PDE11A: variants seen among roughly 807,000 people sequenced by gnomAD.
The protein encoded by PDE11A is phosphodiesterase 11A, also known as dual 3',5'-cyclic-AMP and -GMP phosphodiesterase 11A.
In PDE11A, 100 loss-of-function variants were observed where a neutral mutation model predicts 100.5. The ratio of observed to expected loss-of-function variants is 1.00; its 90% CI spans 0.85 to 1.18. The LOEUF (loss-of-function observed/expected upper bound fraction) is 1.18, where lower values mean the gene tolerates loss of function less well. Among genes scored for constraint, PDE11A ranks in the 50% most tolerant of loss-of-function variants. The pLI, the probability that PDE11A is intolerant of heterozygous loss-of-function variation, is 0.00. For missense variants in PDE11A, 1,141 were observed against 1,152.6 expected, an observed-to-expected ratio of 0.99 and a Z score of 0.15; for synonymous variants, 381 against 420.8, an observed-to-expected ratio of 0.91 and a Z score of 1.16.
upstream of PDE11A, among the ~76,000 whole-genome samples, chr2:178,073,769 T>C (rs571611902): frequency 6.6e-6 from 1 of 152,324 alleles, no homozygotes; most frequent in South Asian, 2.1e-4. Flanking sequence ...TAGTGATATG[T>C]TGAAACTGGC....
rs2080642285 is a variant in PDE11A, at chr2:177,669,483, A to G, written c.2562+10T>C. Reference sequence around the variant, plus strand: ...AGGGTAAATACGTTATAATTAAAGGATGAACTCACTGAAGGAGTGAGTTTG... The same window carrying G: ...AGGGTAAATACGTTATAATTAAAGGGTGAACTCACTGAAGGAGTGAGTTTG... On this transcript the variant is annotated intron_variant, in intron 18 of 19. Coordinates refer to ENST00000286063, the MANE Select transcript of PDE11A (RefSeq NM_016953.4). 9.5e-7 allele frequency: 1 copy of G among 1,057,528 alleles called. No homozygotes were observed. The highest frequency in any genetic ancestry group is 1.5e-6 in the Non-Finnish European group (1 of 671,964). 65.5% of individuals were successfully genotyped at this position (1,057,528 alleles called of 1,614,324 possible).
intron 1 of PDE11A, among the ~76,000 whole-genome samples, chr2:178,051,473 A>C (rs1196037675): frequency 6.6e-6 from 1 of 152,212 alleles, no homozygotes; most frequent in Non-Finnish European, 1.5e-5. Context: ...ACCAGCTAAC[A>C]TCATAATGAC....
intron 16 of PDE11A, among the ~76,000 whole-genome samples, chr2:177,678,250 C>A (rs1399228841): frequency 6.6e-6 from 1 of 152,136 alleles, no homozygotes; most frequent in Non-Finnish European, 1.5e-5. Context: ...AGGTTAGAAA[C>A]ACAAACGACA....
intron 4 of PDE11A, among the ~76,000 whole-genome samples, chr2:177,891,696 C>T (rs2084531823): frequency 6.6e-6 from 1 of 152,174 alleles, no homozygotes; most frequent in African/African-American, 2.4e-5. Flanking sequence ...AAACCCTTGT[C>T]TGCTAGTCAA....
intron 19 of PDE11A, among the ~76,000 whole-genome samples, chr2:177,661,563 T>C (rs888099373): frequency 5.3e-5 from 8 of 152,132 alleles, no homozygotes; most frequent in Admixed American, 2.0e-4. Flanking sequence ...TAAAATAAAA[T>C]AGGACCCTCA....
chr2:177,850,668 A>T lies in PDE11A; in HGVS notation c.1368-10285T>A, dbSNP rs530401348. On this transcript the variant is annotated intron_variant, in intron 5 of 19. Coordinates refer to ENST00000286063, the MANE Select transcript of PDE11A (RefSeq NM_016953.4). ...AAGGGCTAATATCCAGAATCTACAA[A>T]GAACTCAAACAAATTTACAAGAAAA... Among the ~76,000 whole-genome samples, 1,243 of 152,216 alleles carry T rather than the reference A, an allele frequency of 8.2e-3. 10 individuals carry two copies. Among genetic ancestry groups the T allele is most frequent in the African/African-American group, 0.025 (1,032 of 41,534 alleles).
At chr2:177,853,714 TTG>T (rs71010826) in intron 5 of PDE11A, among the ~76,000 whole-genome samples, 2 of 16,302 alleles carry the variant, frequency 1.2e-4, no homozygotes, top group East Asian at 2.9e-3. Context: ...GTGTGTGTGT[TTG>T]TGTGTGTGTG....
At chr2:177,914,123 T>C (rs949777885) in intron 2 of PDE11A, among the ~76,000 whole-genome samples, 3 of 152,206 alleles carry the variant, frequency 2.0e-5, no homozygotes, top group African/African-American at 7.2e-5. Context: ...GATTAATAGA[T>C]TGAACACTTT....
chr2:177,939,542 A>C (rs2085321876), intron 2 of PDE11A, among the ~76,000 whole-genome samples: 1 of 128,930 alleles, frequency 7.8e-6, no homozygotes. Context: ...GAAGGAAGGA[A>C]GGAAGGAAGG....
intron 1 of PDE11A, among the ~76,000 whole-genome samples, chr2:178,026,676 A>C (rs2086483038): frequency 6.6e-6 from 1 of 152,040 alleles, no homozygotes; most frequent in African/African-American, 2.4e-5. Context: ...AAAAAAAAGA[A>C]AAGAAAAAAG....
At chr2:177,629,887 A>G (rs1034717042) in intron 19 of PDE11A, among the ~76,000 whole-genome samples, 14 of 152,214 alleles carry the variant, frequency 9.2e-5, no homozygotes, top group African/African-American at 3.4e-4. Context: ...TCCAGCTCAC[A>G]TATGCCTACT....
chr2:177,771,605 T>G (rs13421315), intron 9 of PDE11A, among the ~76,000 whole-genome samples: 4 of 151,966 alleles, frequency 2.6e-5, no homozygotes, highest in African/African-American at 4.8e-5. Flanking sequence ...TAACAAGGAG[T>G]CTACTTTTAA....
chr2:177,844,529 T>A lies in PDE11A; in HGVS notation c.1368-4146A>T, dbSNP rs189054522. Among the ~76,000 whole-genome samples, 424 of 149,338 alleles carry A rather than the reference T, an allele frequency of 2.8e-3. 1 individual carries two copies. Among genetic ancestry groups the A allele is most frequent in the Admixed American group, 4.6e-3 (70 of 15,118 alleles). ...AATTTTGGAATTCCTTTTTTTTTTT[T>A]AATTAATTAATTAATTTATTTATTT... On this transcript the variant is annotated intron_variant, in intron 5 of 19. Transcript: ENST00000286063.
chr2:178,044,890 T>A (rs903830762), intron 1 of PDE11A, among the ~76,000 whole-genome samples: 1 of 152,160 alleles, frequency 6.6e-6, no homozygotes, highest in Admixed American at 6.6e-5. Flanking sequence ...CCACTTATTA[T>A]TTTTGATTGC....
chr2:177,812,329 G>C (rs1386700018), intron 9 of PDE11A, among the ~76,000 whole-genome samples: 1 of 152,042 alleles, frequency 6.6e-6, no homozygotes, highest in African/African-American at 2.4e-5. Context: ...TAACTAAACT[G>C]ATCAGGCTAA....
At chr2:177,797,002 A>G (rs956900880) in intron 9 of PDE11A, 6 of 152,356 alleles carry the variant, frequency 3.9e-5, no homozygotes, top group African/African-American at 1.4e-4. Context: ...ATTTTCAGTG[A>G]GGTAAAAGAG....
intron 2 of PDE11A, among the ~76,000 whole-genome samples, chr2:177,954,357 G>C (rs1222050648): frequency 1.3e-5 from 2 of 151,984 alleles, no homozygotes; most frequent in Non-Finnish European, 2.9e-5. Context: ...CCATAAAAGA[G>C]CCCAAGAGAG....
intron 2 of PDE11A, among the ~76,000 whole-genome samples, chr2:178,009,397 A>T (rs1477250320): frequency 6.6e-6 from 1 of 152,242 alleles, no homozygotes; most frequent in African/African-American, 2.4e-5. Context: ...GAATTATCAA[A>T]CTAGTAATTT....
At chr2:177,691,988 A>G (rs1401783854) in intron 15 of PDE11A, among the ~76,000 whole-genome samples, 2 of 152,144 alleles carry the variant, frequency 1.3e-5, no homozygotes, top group African/African-American at 4.8e-5. Context: ...TGCTAATTGG[A>G]CTGTATATTT....
Sources: allele counts gnomAD v4.1 joint callset (sites outside exome capture counted in the v4.1 genomes callset), GRCh38; gene constraint gnomAD v4.1.1; transcripts MANE v1.5; gene names NCBI Gene and HGNC (gene_info 2026-07-23, HGNC 2026-07-21).